The following PTPRD variants were observed in gnomAD, a reference collection of about 807,000 sequenced individuals.
PTPRD encodes receptor-type tyrosine-protein phosphatase delta.
PTPRD carries 34 observed loss-of-function variants against 214.5 expected under a neutral mutation model. The observed-to-expected ratio is 0.16, with a 90% CI of 0.12 to 0.21. The LOEUF (loss-of-function observed/expected upper bound fraction) is 0.21, where lower values mean the gene tolerates loss of function less well. Among genes scored for constraint, PTPRD ranks in the 10% least tolerant of loss-of-function variants. PTPRD has a pLI of 1.00. For synonymous variants in PTPRD, 1,128 were observed against 845.7 expected, an observed-to-expected ratio of 1.33 and a Z score of -5.79; for missense variants, 2,545 against 2,398.7, an observed-to-expected ratio of 1.06 and a Z score of -1.27.
chr9:10,284,362 T>A (rs2095266776), intron 3 of PTPRD, among the ~76,000 whole-genome samples: 1 of 152,242 alleles, frequency 6.6e-6, no homozygotes, highest in South Asian at 2.1e-4. Flanking sequence ...TATAAAAGTT[T>A]GTTTTTAATG....
At chr9:9,999,909 C>G (rs1417493280) in intron 4 of PTPRD, among the ~76,000 whole-genome samples, 1 of 151,966 alleles carries the variant, frequency 6.6e-6, no homozygotes, top group Non-Finnish European at 1.5e-5. Context: ...AATTCTTGTC[C>G]TAAAAGGAAA....
intron 7 of PTPRD, among the ~76,000 whole-genome samples, chr9:9,585,992 G>A (rs1389457038): frequency 1.3e-5 from 2 of 151,970 alleles, no homozygotes. Flanking sequence ...GTTCCGAGTT[G>A]GAAGCAGTGG....
At chr9:9,388,457 A>G (rs993825161) in intron 9 of PTPRD, among the ~76,000 whole-genome samples, 7 of 152,186 alleles carry the variant, frequency 4.6e-5, no homozygotes, top group African/African-American at 1.4e-4. Context: ...CTAAATGCAT[A>G]GCATGCTAAT....
chr9:9,051,046 A>T (rs1267695344), intron 10 of PTPRD, among the ~76,000 whole-genome samples: 1 of 152,168 alleles, frequency 6.6e-6, no homozygotes, highest in Non-Finnish European at 1.5e-5. Flanking sequence ...TCCAACAAAG[A>T]TAATGTAGCC....
At chr9:9,842,290 A>G (rs1325390663) in intron 5 of PTPRD, among the ~76,000 whole-genome samples, 1 of 147,120 alleles carries the variant, frequency 6.8e-6, no homozygotes, top group Non-Finnish European at 1.5e-5. Flanking sequence ...AGTCTACTGA[A>G]GGAGAGCATT....
chr9:9,828,641 T>C (rs2053797279), intron 5 of PTPRD, among the ~76,000 whole-genome samples: 1 of 151,894 alleles, frequency 6.6e-6, no homozygotes, highest in African/African-American at 2.4e-5. Context: ...CCATAAAACT[T>C]AAAGTATAAT....
At chr9:9,019,336 GAACGAAAGAA>G (rs2099553086) in intron 10 of PTPRD, among the ~76,000 whole-genome samples, 8 of 18,852 alleles carry the variant, frequency 4.2e-4, no homozygotes, top group Admixed American at 9.4e-4. Flanking sequence ...AAGAAAGAAA[GAACGAAAGAA>G]AGAAAGAAAG....
At chr9:8,976,273 C>T (rs569413834) in intron 11 of PTPRD, among the ~76,000 whole-genome samples, 2 of 152,124 alleles carry the variant, frequency 1.3e-5, no homozygotes, top group Non-Finnish European at 2.9e-5. Flanking sequence ...GTAATTAGTA[C>T]AGTGTTTTGC....
chr9:9,759,047 G>A (rs936303703), intron 6 of PTPRD, among the ~76,000 whole-genome samples: 1 of 152,018 alleles, frequency 6.6e-6, no homozygotes, highest in African/African-American at 2.4e-5. Flanking sequence ...ATACCCTCAA[G>A]ATTTCAGACT....
intron 9 of PTPRD, among the ~76,000 whole-genome samples, chr9:9,358,806 C>T (rs765453982): frequency 6.6e-6 from 1 of 151,284 alleles, no homozygotes; most frequent in Non-Finnish European, 1.5e-5. Flanking sequence ...TCATTAACGT[C>T]ATTAAGCTGC....
At chr9:10,355,716 G>A (rs2097264726) in intron 2 of PTPRD, among the ~76,000 whole-genome samples, 1 of 152,052 alleles carries the variant, frequency 6.6e-6, no homozygotes, top group South Asian at 2.1e-4. Flanking sequence ...GACCTCAGGT[G>A]ATCCGCCCAC....
At chr9:8,713,186 T>A (rs1202683225) in intron 12 of PTPRD, 1 of 565,434 alleles carries the variant, frequency 1.8e-6, no homozygotes, top group Admixed American at 3.2e-5. Flanking sequence ...TGCCAGAATT[T>A]CAGGGTCAAA....
Position 8,777,395 on chromosome 9 carries a change from A to T in PTPRD, c.-103-43449T>A, listed in dbSNP as rs1185432544. 2.0e-5 allele frequency among the ~76,000 whole-genome samples: 3 copies of T among 152,234 alleles called. No homozygotes were observed. The East Asian group carries it at 5.8e-4, about 29-fold the overall frequency. On this transcript the variant is annotated intron_variant, in intron 11 of 45. Coordinates refer to ENST00000381196, the MANE Select transcript of PTPRD (RefSeq NM_002839.4). ...AGAGCATTAAAGAAAAATGACATCAATGTAAACTAGCAGTAGTTAACAGCA... is the reference window on the plus strand; with the variant it reads ...AGAGCATTAAAGAAAAATGACATCATTGTAAACTAGCAGTAGTTAACAGCA...
chr9:9,566,933 C>T (rs1008816826), intron 8 of PTPRD, among the ~76,000 whole-genome samples: 3 of 152,028 alleles, frequency 2.0e-5, no homozygotes, highest in Non-Finnish European at 4.4e-5. Context: ...GTAAACCTTA[C>T]CTTATGACAG....
chr9:9,302,325 G>T (rs1333247500), intron 9 of PTPRD, among the ~76,000 whole-genome samples: 3 of 151,766 alleles, frequency 2.0e-5, no homozygotes, highest in Non-Finnish European at 2.9e-5. Context: ...CTCTTCTATT[G>T]CATCCCTCTA....
At chr9:8,696,519 C>A (rs1057106857) in intron 12 of PTPRD, among the ~76,000 whole-genome samples, 8 of 151,880 alleles carry the variant, frequency 5.3e-5, no homozygotes, top group African/African-American at 1.9e-4. Context: ...TGGTGATTAG[C>A]AGAAGGAAGT....
intron 10 of PTPRD, among the ~76,000 whole-genome samples, chr9:9,162,108 T>C (rs2099890608): frequency 6.6e-6 from 1 of 152,140 alleles, no homozygotes; most frequent in Non-Finnish European, 1.5e-5. Context: ...TTCTATGCCA[T>C]ATTGGCCTTT....
intron 3 of PTPRD, among the ~76,000 whole-genome samples, chr9:10,337,445 T>C (rs2096863275): frequency 6.6e-6 from 1 of 151,714 alleles, no homozygotes; most frequent in Non-Finnish European, 1.5e-5. Context: ...AATAGGAAAT[T>C]TATGTGAACA....
intron 14 of PTPRD, among the ~76,000 whole-genome samples, chr9:8,632,103 G>C (rs1004090206): frequency 4.7e-5 from 7 of 149,862 alleles, no homozygotes; most frequent in African/African-American, 1.5e-4. Flanking sequence ...CATTTTCTCA[G>C]CCTCTTGAAT....
Sources: allele counts gnomAD v4.1 joint callset (sites outside exome capture counted in the v4.1 genomes callset), GRCh38; gene constraint gnomAD v4.1.1; transcripts MANE v1.5; gene names NCBI Gene and HGNC (gene_info 2026-07-23, HGNC 2026-07-21).